The following DLC1 variants were observed in gnomAD, a reference collection of about 807,000 sequenced individuals.
DLC1 encodes the protein DLC1 Rho GTPase activating protein.
Under a neutral mutation model 140.3 loss-of-function variants are expected in DLC1, and 54 were observed. That is an observed-to-expected ratio of 0.38 (90% CI 0.31 to 0.48). The LOEUF is 0.48. Ranked by LOEUF, DLC1 falls within the 20% of genes least tolerant of loss-of-function variation. The pLI is 0.96. For missense variants in DLC1, 2,536 were observed against 1,907.0 expected, an observed-to-expected ratio of 1.33 and a Z score of -6.14; for synonymous variants, 986 against 728.1, an observed-to-expected ratio of 1.35 and a Z score of -5.70.
chr8:13,312,579 A>G (rs1169358500), intron 4 of DLC1, among the ~76,000 whole-genome samples: 3 of 151,946 alleles, frequency 2.0e-5, no homozygotes, highest in African/African-American at 7.2e-5. Flanking sequence ...AGAATTTAAT[A>G]AATCATGTCT....
At chr8:13,139,288 C>CAAAAAAAAAAAAAAAAAAAAAA (rs67684524) in intron 5 of DLC1, among the ~76,000 whole-genome samples, 1 of 49,286 alleles carries the variant, frequency 2.0e-5, no homozygotes, top group African/African-American at 7.1e-5. Flanking sequence ...GACCCTGTCT[C>CAAAAAAAAAAAAAAAAAAAAAA]AAAAAAAAAA....
At chr8:13,338,157 A>G (rs937661959) in intron 4 of DLC1, among the ~76,000 whole-genome samples, 1 of 152,156 alleles carries the variant, frequency 6.6e-6, no homozygotes, top group African/African-American at 2.4e-5. Context: ...TTGACCTTAG[A>G]TGGGACACTT....
At chr8:13,510,372 T>C (rs966862741) in intron 1 of DLC1, among the ~76,000 whole-genome samples, 13 of 152,140 alleles carry the variant, frequency 8.5e-5, no homozygotes, top group African/African-American at 3.1e-4. Flanking sequence ...AGATGGGGTT[T>C]CACCATGTTG....
intron 5 of DLC1, among the ~76,000 whole-genome samples, chr8:13,140,444 G>A (rs1822894564): frequency 1.3e-5 from 2 of 151,958 alleles, no homozygotes; most frequent in African/African-American, 2.4e-5. Context: ...TGTTGCCCAG[G>A]CTCTTCTTGA....
At chr8:13,518,849 C>G (rs139921428), upstream of DLC1, among the ~76,000 whole-genome samples, 229 of 152,130 alleles carry the variant, frequency 1.5e-3, 1 homozygote, top group African/African-American at 5.3e-3. Context: ...CTAAAAATCT[C>G]TAAAAATTTG....
chr8:13,440,641 A>G (rs1292262367), intron 2 of DLC1, among the ~76,000 whole-genome samples: 1 of 151,996 alleles, frequency 6.6e-6, no homozygotes, highest in Non-Finnish European at 1.5e-5. Flanking sequence ...TCACCACCCA[A>G]ATCTCAACTT....
rs79556022 is a variant in DLC1 at position 13,543,953 on chromosome 8, T to C, written c.-125-43757A>G. Among the ~76,000 whole-genome samples the C allele has an allele frequency of 9.7e-4, 147 of 151,498 alleles. 2 individuals are homozygous for C. The highest frequency in any genetic ancestry group is 7.3e-3 in the South Asian group (35 of 4,804). On this transcript the variant is annotated intron_variant, in intron 1 of 1. Transcript: ENST00000631382. ...TCAGACTTCACCATTACACAGTTCATCCATGCAACCAACAACCAGTTGTAC... is the reference window on the plus strand; with the variant it reads ...TCAGACTTCACCATTACACAGTTCACCCATGCAACCAACAACCAGTTGTAC...
intron 1 of DLC1, among the ~76,000 whole-genome samples, chr8:13,569,640 C>G (rs1367221324): frequency 2.0e-5 from 3 of 152,116 alleles, no homozygotes; most frequent in Non-Finnish European, 4.4e-5. Flanking sequence ...CAACTCAACC[C>G]CAAGCTATTT....
At chr8:13,225,394 A>G (rs1042526375) in intron 5 of DLC1, among the ~76,000 whole-genome samples, 2 of 152,100 alleles carry the variant, frequency 1.3e-5, no homozygotes, top group South Asian at 4.1e-4. Context: ...GTTGGCACCT[A>G]CAACCAGGGA....
At chr8:13,225,616 A>AT (rs869199348) in intron 5 of DLC1, among the ~76,000 whole-genome samples, 2,493 of 139,566 alleles carry the variant, frequency 0.018, 40 homozygotes, top group African/African-American at 0.03. Flanking sequence ...TATTTATTTA[A>AT]TTTTTTTTTT....
chr8:13,590,827 A>G (rs919091865), intron 1 of DLC1, among the ~76,000 whole-genome samples: 1 of 152,166 alleles, frequency 6.6e-6, no homozygotes, highest in African/African-American at 2.4e-5. Flanking sequence ...TTTTCTATCA[A>G]TGTAATTAAA....
chr8:13,422,097 G>A (rs1194356513), intron 2 of DLC1, among the ~76,000 whole-genome samples: 1 of 152,074 alleles, frequency 6.6e-6, no homozygotes, highest in Non-Finnish European at 1.5e-5. Context: ...TTTTGAGTCA[G>A]AGAGCTTAAG....
chr8:13,255,695 C>T (rs74610291), intron 5 of DLC1, among the ~76,000 whole-genome samples: 8,402 of 152,154 alleles, frequency 0.055, 299 homozygotes, highest in Non-Finnish European at 0.082. Context: ...CTACTTCTGC[C>T]TGAATTTATT....
chr8:13,458,377 C>T (rs1354490918), intron 2 of DLC1, among the ~76,000 whole-genome samples: 1 of 152,104 alleles, frequency 6.6e-6, no homozygotes, highest in African/African-American at 2.4e-5. Flanking sequence ...AGAATTAGAG[C>T]ACAGAATTCT....
At chr8:13,396,185 G>A (rs1261439601) in intron 3 of DLC1, among the ~76,000 whole-genome samples, 1 of 150,144 alleles carries the variant, frequency 6.7e-6, no homozygotes, top group Non-Finnish European at 1.5e-5. Flanking sequence ...TCGGCCTCCC[G>A]AGTAGCTGGG....
intron 2 of DLC1, among the ~76,000 whole-genome samples, chr8:13,449,251 G>A (rs191077198): frequency 2.0e-5 from 3 of 152,228 alleles, no homozygotes; most frequent in Admixed American, 2.0e-4. Flanking sequence ...TGTGGAGATT[G>A]GCACACAGCT....
intron 10 of DLC1, among the ~76,000 whole-genome samples, chr8:13,096,969 C>A (rs1818548696): frequency 6.6e-6 from 1 of 152,134 alleles, no homozygotes; most frequent in Non-Finnish European, 1.5e-5. Context: ...CTCTGCTTGG[C>A]ACTGATAGCA....
chr8:13,469,415 G>A (rs752277568), intron 2 of DLC1, among the ~76,000 whole-genome samples: 8 of 152,164 alleles, frequency 5.3e-5, no homozygotes, highest in African/African-American at 2.4e-5. Flanking sequence ...AGTCATAGCT[G>A]TAACTGAATT....
chr8:13,578,335 C>T (rs1282015169), intron 1 of DLC1, among the ~76,000 whole-genome samples: 1 of 152,190 alleles, frequency 6.6e-6, no homozygotes, highest in Non-Finnish European at 1.5e-5. Flanking sequence ...AAAAAACAAA[C>T]TGTGTTTTCG....
Sources: gnomAD v4.1 joint callset for allele counts (sites outside exome capture counted in the v4.1 genomes callset) on GRCh38, gnomAD v4.1.1 for gene constraint, MANE v1.5 for transcripts, NCBI Gene and HGNC (gene_info 2026-07-23, HGNC 2026-07-21) for gene names.